The following CDH13 variants were observed in gnomAD, a reference collection of about 807,000 sequenced individuals.
CDH13 encodes cadherin 13.
A neutral mutation model predicts 63.8 loss-of-function variants in CDH13; 24 were observed. That is an observed-to-expected ratio of 0.38 (90% CI 0.27 to 0.53). The LOEUF is 0.53. Ranked by LOEUF, CDH13 falls within the 20% of genes least tolerant of loss-of-function variation. The pLI, the probability that CDH13 is intolerant of heterozygous loss-of-function variation, is 0.85. For missense variants in CDH13, 1,049 were observed against 903.1 expected (o/e 1.16, Z -2.07); for synonymous variants, 503 against 355.3 (o/e 1.42, Z -4.67).
intron 6 of CDH13, among the ~76,000 whole-genome samples, chr16:83,436,474 TA>T (rs60903960): frequency 0.16 from 24,198 of 148,328 alleles, 2,305 homozygotes; most frequent in East Asian, 0.4. Flanking sequence ...TGAATCTAAT[TA>T]AAAAAAAAAA....
chr16:83,143,623 T>C (rs1264874557), intron 4 of CDH13, among the ~76,000 whole-genome samples: 1 of 152,172 alleles, frequency 6.6e-6, no homozygotes, highest in Non-Finnish European at 1.5e-5. Context: ...AGAGGTGGCA[T>C]TTATCATTAG....
rs142132268 is a variant in CDH13, at chr16:83,728,295, G to T, written c.1539-19813G>T. 3.0e-3 allele frequency among the ~76,000 whole-genome samples: 458 copies of T among 151,712 alleles called. 1 individual carries two copies. The highest frequency in any genetic ancestry group is 4.9e-3 in the Non-Finnish European group (333 of 67,900). ...CTGTGAGCCGTAAGCGGTGTGATTC[G>T]CTAACAGTTGAATGGCACTGGCTAT... is the stretch of plus-strand genomic sequence containing the variant. On this transcript the variant is annotated intron_variant, in intron 10 of 13. Coordinates refer to ENST00000567109, the MANE Select transcript of CDH13 (RefSeq NM_001257.5).
At chr16:82,810,837 G>C (rs1597665155) in intron 1 of CDH13, among the ~76,000 whole-genome samples, 1 of 151,912 alleles carries the variant, frequency 6.6e-6, no homozygotes, top group African/African-American at 2.4e-5. Flanking sequence ...CCTAAGAAGA[G>C]TGAGAAGCCA....
Position 83,502,031 on chromosome 16 carries a change from C to T in CDH13, c.960+15376C>T, listed in dbSNP as rs2074295013. The stretch of plus-strand genomic sequence containing the variant: ...GTGTGGCCTTGGGCAAGTCACCTCA[C>T]CTACCTGAGCCTAGGTTTCTTTGGC... On this transcript the variant is annotated intron_variant, in intron 7 of 13. Coordinates refer to ENST00000567109, the MANE Select transcript of CDH13 (RefSeq NM_001257.5). 2.6e-5 allele frequency among the ~76,000 whole-genome samples: 4 copies of T among 152,296 alleles called. No individual in the cohort carries two copies. In the South Asian group the frequency reaches 8.3e-4, roughly 32 times the overall value.
At chr16:82,768,814 C>A (rs760902746) in intron 1 of CDH13, among the ~76,000 whole-genome samples, 7 of 152,174 alleles carry the variant, frequency 4.6e-5, no homozygotes, top group Non-Finnish European at 8.8e-5. Flanking sequence ...TTAATACTTA[C>A]TCTGATTCAG....
chr16:82,717,705 C>T (rs990102718), intron 1 of CDH13, among the ~76,000 whole-genome samples: 2 of 152,186 alleles, frequency 1.3e-5, no homozygotes, highest in African/African-American at 4.8e-5. Flanking sequence ...TTAGTGGCTA[C>T]CCAGATAATC....
At chr16:83,431,933 G>A (rs983586736) in intron 6 of CDH13, among the ~76,000 whole-genome samples, 11 of 152,072 alleles carry the variant, frequency 7.2e-5, no homozygotes, top group African/African-American at 2.7e-4. Context: ...TGATACATAC[G>A]GCCATTGGCA....
At chr16:83,186,251 G>A (rs907686258) in intron 4 of CDH13, among the ~76,000 whole-genome samples, 4 of 151,814 alleles carry the variant, frequency 2.6e-5, no homozygotes, top group South Asian at 2.1e-4. Flanking sequence ...CAATTCTCCC[G>A]ACTCAGCCTC....
At chr16:83,005,315 A>G (rs1486359198) in intron 2 of CDH13, among the ~76,000 whole-genome samples, 1 of 151,942 alleles carries the variant, frequency 6.6e-6, no homozygotes, top group Non-Finnish European at 1.5e-5. Flanking sequence ...AAGCATAGGA[A>G]CTCCAGGCCC....
intron 2 of CDH13, among the ~76,000 whole-genome samples, chr16:82,965,619 C>A (rs929837252): frequency 6.6e-6 from 1 of 152,180 alleles, no homozygotes; most frequent in South Asian, 2.1e-4. Context: ...GCAACCTCTA[C>A]TTCCAGGTTC....
At chr16:83,560,248 C>G (rs1370151413) in intron 7 of CDH13, among the ~76,000 whole-genome samples, 4 of 152,202 alleles carry the variant, frequency 2.6e-5, no homozygotes, top group Admixed American at 1.3e-4. Context: ...ATTCTTCTCT[C>G]TTACTTTTAT....
chr16:83,244,280 A>G (rs940249721), intron 5 of CDH13, among the ~76,000 whole-genome samples: 1 of 152,130 alleles, frequency 6.6e-6, no homozygotes, highest in African/African-American at 2.4e-5. Context: ...CACTTTGCAA[A>G]TAAAGGCTTT....
chr16:83,181,919 G>T (rs562665778), intron 4 of CDH13, among the ~76,000 whole-genome samples: 1 of 152,268 alleles, frequency 6.6e-6, no homozygotes, highest in African/African-American at 2.4e-5. Flanking sequence ...TGGAGCACAG[G>T]CGTCGGGCAC....
intron 1 of CDH13, among the ~76,000 whole-genome samples, chr16:82,699,782 T>C (rs1320233209): frequency 6.6e-6 from 1 of 152,240 alleles, no homozygotes; most frequent in African/African-American, 2.4e-5. Flanking sequence ...AGATAATCTC[T>C]TTTGTCTATG....
chr16:83,174,550 C>T (rs2038049024), intron 4 of CDH13, among the ~76,000 whole-genome samples: 1 of 152,086 alleles, frequency 6.6e-6, no homozygotes, highest in South Asian at 2.1e-4. Flanking sequence ...TGTAGAAGCT[C>T]AATTCAGGTT....
intron 3 of CDH13, among the ~76,000 whole-genome samples, chr16:83,104,501 T>C (rs543573392): frequency 6.4e-4 from 97 of 152,162 alleles, no homozygotes; most frequent in Non-Finnish European, 9.9e-4. Context: ...GAGAAATTAT[T>C]GTTTAAGTAG....
chr16:83,184,089 A>AACACACACACACACACAC (rs10656475), intron 4 of CDH13, among the ~76,000 whole-genome samples: 1 of 131,560 alleles, frequency 7.6e-6, no homozygotes, highest in Admixed American at 8.1e-5. Context: ...CTAGAGGTTA[A>AACACACACACACACACAC]ACACACACAC....
rs369921691 is a variant in CDH13, at chr16:83,329,879, G to C, written c.637-14983G>C. 4.6e-5 allele frequency among the ~76,000 whole-genome samples: 7 copies of C among 152,274 alleles called. No individual in the cohort carries two copies. The South Asian group carries it at 1.2e-3, about 27-fold the overall frequency. On this transcript the variant is annotated intron_variant, in intron 5 of 13. Transcript: ENST00000567109. The stretch of plus-strand genomic sequence containing the variant: ...TTTCCTCTGTTTTAAAAACTGAATA[G>C]TGTTTGTATTGAATGAATATACCAC...
chr16:82,686,921 A>G (rs1915132108), intron 1 of CDH13, among the ~76,000 whole-genome samples: 1 of 152,168 alleles, frequency 6.6e-6, no homozygotes. Context: ...CACAGACAAC[A>G]TTGTCTGTTT....
Sources: allele counts gnomAD v4.1 joint callset (sites outside exome capture counted in the v4.1 genomes callset), GRCh38; gene constraint gnomAD v4.1.1; transcripts MANE v1.5; gene names NCBI Gene and HGNC (gene_info 2026-07-23, HGNC 2026-07-21).